The following MAGI2 variants were observed in gnomAD, a reference collection of about 807,000 sequenced individuals.
MAGI2 encodes the protein membrane associated guanylate kinase, WW and PDZ domain containing 2, also known as membrane-associated guanylate kinase, WW and PDZ domain-containing protein 2.
A neutral mutation model predicts 133.3 loss-of-function variants in MAGI2; 35 were observed. The observed-to-expected ratio is 0.26, with a 90% CI of 0.20 to 0.35. The LOEUF (loss-of-function observed/expected upper bound fraction) is 0.35, where lower values mean the gene tolerates loss of function less well. Among genes scored for constraint, MAGI2 ranks in the 10% least tolerant of loss-of-function variants. The pLI, the probability that MAGI2 is intolerant of heterozygous loss-of-function variation, is 1.00. For missense variants in MAGI2, 1,636 were observed against 1,863.4 expected (o/e 0.88, Z 2.25); for synonymous variants, 729 against 710.6 (o/e 1.03, Z -0.41).
intron 1 of MAGI2, among the ~76,000 whole-genome samples, chr7:79,227,851 C>T (rs999185414): frequency 3.3e-5 from 5 of 152,310 alleles, no homozygotes; most frequent in Admixed American, 2.0e-4. Context: ...TTCTTGGTTG[C>T]TCCTCACACT....
Position 79,333,136 on chromosome 7 carries a change from T to C in MAGI2, c.301+119884A>G, listed in dbSNP as rs76585356. Among the ~76,000 whole-genome samples the C allele has an allele frequency of 5.8e-3, 879 of 152,222 alleles. 27 individuals carry two copies. The East Asian group carries it at 0.086, about 15-fold the overall frequency. On this transcript the variant is annotated intron_variant, in intron 1 of 21. Transcript: ENST00000354212. ...GTTTCATCAGATCTTTTTTCAGTAT[T>C]CATTTTTTCTTTTTTCTTTTTCTGT...
In MAGI2 at chr7:78,019,803, C is replaced by A. The variant is rs886757342; in HGVS notation, c.3880G>T (p.Val1294Phe). The change falls in exon 22 of 22, where the codon GTT becomes TTT. Residue 1294 changes from valine (V) to phenylalanine (F), a missense_variant. By Grantham distance (50) the Val-to-Phe change is conservative (BLOSUM62 -1). Around this residue, in one of 5 missense-constraint regions of MAGI2, gnomAD observed 354 missense variants for 298.7 expected, o/e 1.19. Transcript: ENST00000354212. ...PTWDIKREHD[V>F]RKPKELSACG... is the part of the protein sequence containing the mutation. ...GCTGAAAGCTCCTTTGGTTTCCTAA[C>A]GTCGTGTTCCCGTTTGATATCCCAA... The A allele has an allele frequency of 5.0e-6, 8 of 1,613,134 alleles. No homozygotes were observed. The highest frequency in any genetic ancestry group is 8.5e-7 in the Non-Finnish European group (1 of 1,179,844).
At chr7:79,207,914 C>A (rs907391392) in intron 1 of MAGI2, among the ~76,000 whole-genome samples, 1 of 151,940 alleles carries the variant, frequency 6.6e-6, no homozygotes, top group African/African-American at 2.4e-5. Context: ...TTTGACAAAG[C>A]AGCCAAGAAC....
chr7:78,332,318 G>A (rs74468153), intron 9 of MAGI2, among the ~76,000 whole-genome samples: 2,162 of 152,318 alleles, frequency 0.014, 59 homozygotes, highest in African/African-American at 0.049. Flanking sequence ...ATGCAATGAC[G>A]TTGTTTTTAA....
Position 79,256,490 on chromosome 7 carries a change from T to C in MAGI2, c.301+196530A>G, listed in dbSNP as rs935419114. 4.4e-4 allele frequency among the ~76,000 whole-genome samples: 60 copies of C among 137,818 alleles called. 1 individual carries two copies. The South Asian group carries it at 0.014, about 32-fold the overall frequency. 90.4% of individuals were successfully genotyped at this position (137,818 alleles called of 152,430 possible). On this transcript the variant is annotated intron_variant, in intron 1 of 21. Transcript: ENST00000354212. The stretch of plus-strand genomic sequence containing the variant: ...TTTCTGTCTCTCTCTCTCTCTCTTT[T>C]TTTTTTTTTTTTTTTTTTTGACAGA...
intron 2 of MAGI2, among the ~76,000 whole-genome samples, chr7:78,665,866 T>C (rs748542360): frequency 1.3e-5 from 2 of 152,174 alleles, no homozygotes; most frequent in African/African-American, 4.8e-5. Flanking sequence ...AGAGATATGA[T>C]AATGAATCAG....
At chr7:78,767,321 C>T (rs1405731138) in intron 2 of MAGI2, among the ~76,000 whole-genome samples, 1 of 152,122 alleles carries the variant, frequency 6.6e-6, no homozygotes, top group African/African-American at 2.4e-5. Flanking sequence ...TTAAGGTACA[C>T]CTAATGCAGT....
intron 1 of MAGI2, among the ~76,000 whole-genome samples, chr7:79,070,387 T>C (rs1281226824): frequency 6.6e-6 from 1 of 151,814 alleles, no homozygotes; most frequent in Non-Finnish European, 1.5e-5. Flanking sequence ...TTTCTTCTGC[T>C]TGATCGATTC....
chr7:78,611,096 G>A lies in MAGI2; in HGVS notation c.538+16024C>T, dbSNP rs114871713. On this transcript the variant is annotated intron_variant, in intron 3 of 21. Transcript: ENST00000354212. ...CATTGTAAAATTGGAGATTGTGTAT[G>A]CAAAGTATCAAGTCTGGTGTTGTTT... Among the ~76,000 whole-genome samples the A allele has an allele frequency of 9.8e-3, 1,496 of 152,240 alleles. 28 individuals are homozygous for A. The highest frequency in any genetic ancestry group is 0.034 in the African/African-American group (1,416 of 41,532).
intron 1 of MAGI2, among the ~76,000 whole-genome samples, chr7:79,185,074 C>A (rs899499073): frequency 6.6e-6 from 1 of 151,748 alleles, no homozygotes; most frequent in African/African-American, 2.4e-5. Context: ...TACTTTGAAC[C>A]CCAAATCTGG....
At chr7:78,368,859 T>C (rs1256807746) in intron 7 of MAGI2, among the ~76,000 whole-genome samples, 2 of 152,208 alleles carry the variant, frequency 1.3e-5, no homozygotes, top group East Asian at 3.8e-4. Flanking sequence ...AACATTTTGA[T>C]TGCAAAATGA....
At chr7:78,557,094 A>AAAAAAAG (rs1799910235) in intron 3 of MAGI2, among the ~76,000 whole-genome samples, 1 of 144,826 alleles carries the variant, frequency 6.9e-6, no homozygotes, top group Admixed American at 7.1e-5. Flanking sequence ...AAAAAAAAAA[A>AAAAAAAG]AAAAAAGAAA....
At chr7:79,090,086 T>C (rs1816920691) in intron 1 of MAGI2, among the ~76,000 whole-genome samples, 3 of 152,052 alleles carry the variant, frequency 2.0e-5, no homozygotes, top group Admixed American at 2.0e-4. Context: ...TTTTCCCCTT[T>C]AAGAAAACTG....
intron 16 of MAGI2, among the ~76,000 whole-genome samples, chr7:78,146,347 C>A (rs919217794): frequency 1.3e-5 from 2 of 148,958 alleles, no homozygotes; most frequent in Admixed American, 6.8e-5. Context: ...AGAAATGAGA[C>A]CCCAAGTAGT....
chr7:78,367,454 C>G lies in MAGI2; in HGVS notation c.1103+1702G>C, dbSNP rs759439227. ...CTACGACCTGCAGGCAAGATTTGAC[C>G]AGCTGCCTGTTTTTGTAAATAAAGT... is the stretch of plus-strand genomic sequence containing the variant. On this transcript the variant is annotated intron_variant, in intron 7 of 21. Coordinates refer to ENST00000354212, the MANE Select transcript of MAGI2 (RefSeq NM_012301.4). Among the ~76,000 whole-genome samples the G allele has an allele frequency of 1.3e-4, 20 of 152,310 alleles. No individual in the cohort carries two copies. In the Middle Eastern group the frequency reaches 0.014, roughly 104 times the overall value.
intron 2 of MAGI2, among the ~76,000 whole-genome samples, chr7:78,957,755 A>G (rs1584501570): frequency 6.6e-6 from 1 of 152,242 alleles, no homozygotes; most frequent in African/African-American, 2.4e-5. Context: ...GTCAGAATTC[A>G]AACCCACTCA....
chr7:78,820,615 A>G (rs1790015050), intron 2 of MAGI2, among the ~76,000 whole-genome samples: 1 of 151,984 alleles, frequency 6.6e-6, no homozygotes, highest in South Asian at 2.1e-4. Context: ...GTAAAATTGA[A>G]GTTTGACTCA....
Position 78,962,110 on chromosome 7 carries a change from AC to A in MAGI2, c.418+44979del, listed in dbSNP as rs538121671. Among the ~76,000 whole-genome samples, 302 of 152,232 alleles carry A rather than the reference AC, an allele frequency of 2.0e-3. 1 individual carries two copies. The highest frequency in any genetic ancestry group is 7.0e-3 in the African/African-American group (289 of 41,574). On this transcript the variant is annotated intron_variant, in intron 2 of 21. Transcript: ENST00000354212. The stretch of plus-strand genomic sequence containing the variant: ...GTTTATTGAACTCTCGTTATGTGGT[AC>A]AAGACTGTACATTCACTAAACAGAA...
chr7:78,909,602 CAAAAAAAAAA>C (rs1237807866), intron 2 of MAGI2, among the ~76,000 whole-genome samples: 12 of 42,164 alleles, frequency 2.8e-4, no homozygotes, highest in African/African-American at 1.2e-3. Context: ...GACTCCATCT[CAAAAAAAAAA>C]AAAAAAAAAA....
Sources: allele counts gnomAD v4.1 joint callset (sites outside exome capture counted in the v4.1 genomes callset), GRCh38; gene constraint gnomAD v4.1.1; regional missense constraint gnomAD v4.1.1; transcripts MANE v1.5; gene names NCBI Gene and HGNC (gene_info 2026-07-23, HGNC 2026-07-21).